Variants in ZNF131 observed in about 807,000 individuals in gnomAD.
ZNF131 encodes zinc finger and BTB domain containing 35.
Under a neutral mutation model 60.0 loss-of-function variants are expected in ZNF131, and 7 were observed. The observed-to-expected ratio is 0.12, with a 90% confidence interval of 0.07 to 0.22. ZNF131 has a LOEUF of 0.22. ZNF131 is among the 10% of genes least tolerant of loss of function. The pLI, the probability that ZNF131 is intolerant of heterozygous loss-of-function variation, is 1.00. For missense variants in ZNF131, 493 were observed against 740.9 expected, an observed-to-expected ratio of 0.67 and a Z score of 3.88; for synonymous variants, 257 against 253.2, an observed-to-expected ratio of 1.01 and a Z score of -0.14.
At chr5:43,147,077 G>A (rs904726009) in intron 4 of ZNF131, among the ~76,000 whole-genome samples, 4 of 152,008 alleles carry the variant, frequency 2.6e-5, no homozygotes, top group African/African-American at 4.8e-5. Flanking sequence ...ATAGTGTACC[G>A]TACAAAGTTC....
At chr5:43,159,184 C>T (rs753495413) in intron 4 of ZNF131, among the ~76,000 whole-genome samples, 3 of 152,092 alleles carry the variant, frequency 2.0e-5, no homozygotes, top group Non-Finnish European at 2.9e-5. Flanking sequence ...AACAAACCTG[C>T]CTAACGTTTT....
intron 5 of ZNF131, among the ~76,000 whole-genome samples, chr5:43,167,467 G>A (rs1750505059): frequency 6.6e-6 from 1 of 152,156 alleles, no homozygotes; most frequent in South Asian, 2.1e-4. Context: ...GAAGACAGGA[G>A]ACAGTCCTCT....
chr5:43,173,010 T>G, intron 5 of ZNF131: 3 of 186,814 alleles, frequency 1.6e-5, no homozygotes, highest in Non-Finnish European at 2.2e-5. Context: ...AAAATAGAGA[T>G]TGATCATGAT....
rs1751537475 is a variant in ZNF131 at position 43,176,059 on chromosome 5, A to C, written c.*926A>C. On this transcript the variant is annotated 3_prime_UTR_variant, in exon 7 of 7. Coordinates refer to ENST00000682664, the MANE Select transcript of ZNF131 (RefSeq NM_001330707.2). ...TTAATGTATTTAAAATAAAGTACAG[A>C]GAAAGACATGTATATAATTATCAGG... is the stretch of plus-strand genomic sequence containing the variant. 1.3e-5 allele frequency: 2 copies of C among 152,292 alleles called. No individual in the cohort carries two copies. Among genetic ancestry groups the C allele is most frequent in the Admixed American group, 1.3e-4 (2 of 15,280 alleles). The allele number at this position is 152,292 out of a possible 1,614,324, so 9.4% of individuals were successfully genotyped here.
chr5:43,150,474 G>A (rs563353525), intron 4 of ZNF131, among the ~76,000 whole-genome samples: 29 of 152,192 alleles, frequency 1.9e-4, no homozygotes, highest in African/African-American at 5.1e-4. Context: ...TTCTTTAGCC[G>A]CTCTGATTAA....
chr5:43,147,092 T>G (rs1747684332), intron 4 of ZNF131, among the ~76,000 whole-genome samples: 1 of 152,184 alleles, frequency 6.6e-6, no homozygotes, highest in Admixed American at 6.6e-5. Context: ...AAGTTCATGT[T>G]TGACTTTATT....
intron 4 of ZNF131, among the ~76,000 whole-genome samples, chr5:43,148,829 CATT>C (rs1291263231): frequency 1.3e-5 from 2 of 152,174 alleles, no homozygotes; most frequent in Admixed American, 6.6e-5. Context: ...CTTGTGAAGT[CATT>C]ATCACAGTGA....
At chr5:43,139,073 A>G in intron 3 of ZNF131, 92 bp from the exon 4 acceptor site, 2 of 1,106,364 alleles carry the variant, frequency 1.8e-6, no homozygotes, top group Non-Finnish European at 1.2e-6. Flanking sequence ...AATACTCAAC[A>G]AGCTCCAAGC....
At position 43,146,233 on chromosome 5, in the gene ZNF131, C is replaced by T. The variant is rs575696406; in HGVS notation, c.371+6924C>T. Among the ~76,000 whole-genome samples, 183 of 152,310 alleles carry T rather than the reference C, an allele frequency of 1.2e-3. 2 individuals are homozygous for T. The highest frequency in any genetic ancestry group is 4.3e-3 in the African/African-American group (177 of 41,578). ...TGGAATGTAGTGTAAACTTTCTGAA[C>T]GACACCGAAAAGAAATTAGGACCTC... On this transcript the variant is annotated intron_variant, in intron 4 of 6. Transcript: ENST00000682664.
At chr5:43,152,928 C>G (rs1479113480) in intron 4 of ZNF131, among the ~76,000 whole-genome samples, 1 of 152,116 alleles carries the variant, frequency 6.6e-6, no homozygotes, top group Non-Finnish European at 1.5e-5. Flanking sequence ...ATTATTGTCC[C>G]TCCCTGCCCT....
intron 5 of ZNF131, among the ~76,000 whole-genome samples, chr5:43,163,614 GT>G (rs1385800555): frequency 4.1e-4 from 63 of 152,340 alleles, no homozygotes; most frequent in African/African-American, 1.5e-3. Context: ...ACCAGACACA[GT>G]AGCTACCACC....
intron 4 of ZNF131, among the ~76,000 whole-genome samples, chr5:43,144,874 A>G (rs956289533): frequency 4.6e-5 from 7 of 151,532 alleles, no homozygotes; most frequent in Admixed American, 6.6e-5. Flanking sequence ...GTTCATGGCA[A>G]AATTTTACTC....
chr5:43,161,137 T>C, intron 4 of ZNF131, 112 bp from the exon 5 acceptor site: 2 of 957,548 alleles, frequency 2.1e-6, no homozygotes, highest in Non-Finnish European at 3.1e-6. Flanking sequence ...AGCCCTGCAG[T>C]CTTGTTTTAT....
intron 5 of ZNF131, among the ~76,000 whole-genome samples, chr5:43,166,595 C>G (rs1226486905): frequency 6.6e-6 from 1 of 151,922 alleles, no homozygotes; most frequent in Non-Finnish European, 1.5e-5. Flanking sequence ...CTCTTGACCT[C>G]GTGATCCACC....
chr5:43,166,376 T>C (rs1156686349), intron 5 of ZNF131, among the ~76,000 whole-genome samples: 2 of 151,976 alleles, frequency 1.3e-5, no homozygotes, highest in African/African-American at 4.8e-5. Flanking sequence ...TTTTTTTTTT[T>C]TGGAGACAGA....
At chr5:43,141,622 A>G (rs771859401) in intron 4 of ZNF131, among the ~76,000 whole-genome samples, 8 of 152,022 alleles carry the variant, frequency 5.3e-5, no homozygotes, top group Non-Finnish European at 1.0e-4. Flanking sequence ...TACAAAAATT[A>G]GCTGGCACTG....
At chr5:43,124,334 C>T (rs1032097496) in intron 3 of ZNF131, 1 of 152,076 alleles carries the variant, frequency 6.6e-6, no homozygotes, top group African/African-American at 2.4e-5. Flanking sequence ...ATTTTAGCTT[C>T]TTTTAGGGTT....
intron 3 of ZNF131, 75 bp downstream of exon 3, chr5:43,123,385 A>G (rs1464302286): frequency 2.3e-6 from 3 of 1,279,274 alleles, no homozygotes; most frequent in Admixed American, 2.3e-5. Context: ...TTTAAATACA[A>G]TACTTAGCAA....
At chr5:43,121,146 T>G (rs1276846583) in intron 1 of ZNF131, 23 bp downstream of exon 1, 1 of 129,936 alleles carries the variant, frequency 7.7e-6, no homozygotes, top group Non-Finnish European at 1.6e-5. Context: ...AACCCAGGTC[T>G]CGGAAGGAAG....
Sources: allele counts gnomAD v4.1 joint callset (sites outside exome capture counted in the v4.1 genomes callset), GRCh38; gene constraint gnomAD v4.1.1; transcripts MANE v1.5; gene names NCBI Gene and HGNC (gene_info 2026-07-23, HGNC 2026-07-21).